INCENP: variants seen among roughly 807,000 people sequenced by gnomAD.
INCENP encodes inner centromere protein.
A neutral mutation model predicts 107.3 loss-of-function variants in INCENP; 43 were observed. The observed-to-expected ratio is 0.40, with a 90% confidence interval of 0.31 to 0.52. INCENP has a LOEUF of 0.52. INCENP is among the 20% of genes least tolerant of loss of function. The pLI, the probability that INCENP is intolerant of heterozygous loss-of-function variation, is 0.53. For missense variants in INCENP, 1,089 were observed against 1,250.9 expected, an observed-to-expected ratio of 0.87 and a Z score of 1.95; for synonymous variants, 488 against 494.4, an observed-to-expected ratio of 0.99 and a Z score of 0.17.
chr11:62,130,253 C>G lies in INCENP; in HGVS notation c.726C>G (p.Asp242Glu), dbSNP rs1943857065. ...GCTCCCTGATGGCTACACCCCAGGA[C>G]CCCAAGGGTCAAGGGGTCGGGACGG... is the stretch of plus-strand genomic sequence containing the variant. ...TVSSLMATPQ[D>E]PKGQGVGTGR... The change falls in exon 4 of 19, where the codon GAC becomes GAG. Residue 242 changes from aspartate (D) to glutamate (E), a missense_variant. By Grantham distance (45) the Asp-to-Glu change is conservative. Coordinates refer to ENST00000394818, the MANE Select transcript of INCENP (RefSeq NM_001040694.2). 6.2e-7 allele frequency: 1 copy of G among 1,613,428 alleles called. No individual in the cohort carries two copies. The highest frequency in any genetic ancestry group is 1.3e-5 in the African/African-American group (1 of 74,914).
chr11:62,148,692 G>C, intron 16 of INCENP, 47 bp from the exon 17 acceptor site: 1 of 1,467,432 alleles, frequency 6.8e-7, no homozygotes, highest in Non-Finnish European at 9.3e-7. Context: ...GGGGAGGGAA[G>C]GGCACCTGCA....
chr11:62,143,362 G>A (rs1342907868), intron 11 of INCENP, among the ~76,000 whole-genome samples: 1 of 152,040 alleles, frequency 6.6e-6, no homozygotes, highest in Non-Finnish European at 1.5e-5. Flanking sequence ...GGACTAGAGG[G>A]CTTGTCCTGG....
At chr11:62,138,328 C>T (rs770622962) in intron 5 of INCENP, among the ~76,000 whole-genome samples, 9 of 152,150 alleles carry the variant, frequency 5.9e-5, no homozygotes, top group Non-Finnish European at 8.8e-5. Flanking sequence ...GTTCTTGGGA[C>T]GGGGAAACAG....
chr11:62,129,189 G>T (rs1943823845), intron 3 of INCENP, among the ~76,000 whole-genome samples: 1 of 152,192 alleles, frequency 6.6e-6, no homozygotes, highest in African/African-American at 2.4e-5. Context: ...CCATCCTTCT[G>T]TTAGGTGAGT....
Position 62,137,869 on chromosome 11 carries a change from G to A in INCENP, c.1101G>A (p.Val367=). Residue 367 remains valine, a synonymous_variant, in exon 5 of 19, where the codon GTG becomes GTA. Transcript: ENST00000394818. ...SYLERLLNVE[V]PQKVGSEQKE... ...TGGAGAGGCTCCTGAATGTTGAGGT[G>A]CCCCAGAAAGTTGGGTGAGTTCAGT... 3 of 1,614,114 alleles carry A rather than the reference G, an allele frequency of 1.9e-6. No homozygotes were observed. Among genetic ancestry groups the A allele is most frequent in the Non-Finnish European group, 2.5e-6 (3 of 1,179,964 alleles).
chr11:62,129,672 T>G, intron 3 of INCENP, 110 bp from the exon 4 acceptor site: 1 of 877,846 alleles, frequency 1.1e-6, no homozygotes, highest in South Asian at 1.8e-5. Context: ...CCAGATCTTT[T>G]GCCTTCACCT....
intron 1 of INCENP, among the ~76,000 whole-genome samples, chr11:62,126,607 T>A (rs545939475): frequency 2.2e-4 from 34 of 152,340 alleles, no homozygotes; most frequent in Admixed American, 1.5e-3. Context: ...GTTCTTTCAC[T>A]CATTCACCTG....
Position 62,138,734 on chromosome 11 carries a change from C to T in INCENP, c.1137C>T (p.Pro379=), listed in dbSNP as rs776834134. The change falls in exon 6 of 19, where the codon CCC becomes CCT. Residue 379 remains proline, a synonymous_variant. Coordinates refer to ENST00000394818, the MANE Select transcript of INCENP (RefSeq NM_001040694.2). ...QKVGSEQKEP[P]EEAEPVAAAE... is the part of the protein sequence containing the mutation. ...TCAGTTCTGAGCAGAAGGAACCCCC[C>T]GAGGAGGCTGAGCCTGTGGCGGCAG... 8 of 1,614,014 alleles carry T rather than the reference C, an allele frequency of 5.0e-6. No homozygotes were observed. Among genetic ancestry groups the T allele is most frequent in the African/African-American group, 1.3e-5 (1 of 74,926 alleles).
At position 62,138,698 on chromosome 11, in the gene INCENP, CT is replaced by C; in HGVS notation, c.1116-14del. 6.2e-7 allele frequency: 1 copy of C among 1,613,720 alleles called. No homozygotes were observed. Among genetic ancestry groups the C allele is most frequent in the Non-Finnish European group, 8.5e-7 (1 of 1,179,674 alleles). On this transcript the variant is annotated splice_polypyrimidine_tract_variant and intron_variant, in intron 5 of 18. Coordinates refer to ENST00000394818, the MANE Select transcript of INCENP (RefSeq NM_001040694.2). The stretch of plus-strand genomic sequence containing the variant: ...TAGCTGGGCAGTCCCCTCAGAGTCC[CT>C]CTTCTGTTTTCAGTTCTGAGCAGAA...
intron 11 of INCENP, chr11:62,144,667 A>G: frequency 3.1e-6 from 2 of 639,520 alleles, no homozygotes; most frequent in Non-Finnish European, 3.0e-6. Flanking sequence ...TGCACAGTTT[A>G]TGTAGTTGTC....
chr11:62,152,052 T>A lies in INCENP; in HGVS notation c.*76T>A. 1 of 1,120,764 alleles carries A rather than the reference T, an allele frequency of 8.9e-7. No homozygotes were observed. Among genetic ancestry groups the A allele is most frequent in the Non-Finnish European group, 1.3e-6 (1 of 776,928 alleles). 69.4% of individuals were successfully genotyped at this position (1,120,764 alleles called of 1,614,324 possible). A position where few individuals can be genotyped will look rare whatever the true frequency, so the allele number is the denominator to read the frequency against. The stretch of plus-strand genomic sequence containing the variant: ...GTCTGTCTGTCGGTCTCTGTCTTGG[T>A]CTGTTGCCCTCCTTCTTGGCATGCC... On this transcript the variant is annotated 3_prime_UTR_variant, in exon 19 of 19. Coordinates refer to ENST00000394818, the MANE Select transcript of INCENP (RefSeq NM_001040694.2).
In INCENP at chr11:62,146,595, G is replaced by A. The variant is rs551075933; in HGVS notation, c.1960-63G>A. The stretch of plus-strand genomic sequence containing the variant: ...GGCACCTGGGCTTCGGGGGAGTAGG[G>A]CTGCTGTCCTGCCTCTCTGGCCTGG... On this transcript the variant is annotated intron_variant, in intron 14 of 18. Coordinates refer to ENST00000394818, the MANE Select transcript of INCENP (RefSeq NM_001040694.2). 1.3e-5 allele frequency: 20 copies of A among 1,541,698 alleles called. No homozygotes were observed. The African/African-American group carries it at 2.5e-4, about 19-fold the overall frequency.
chr11:62,150,856 T>C (rs1792894), intron 18 of INCENP, among the ~76,000 whole-genome samples: 3,309 of 151,878 alleles, frequency 0.022, 126 homozygotes, highest in African/African-American at 0.076. Flanking sequence ...TGCCTTGCAG[T>C]GGTTGCTGAG....
At chr11:62,145,853 A>C in intron 14 of INCENP, 102 bp downstream of exon 14, 3 of 1,370,468 alleles carry the variant, frequency 2.2e-6, no homozygotes, top group Non-Finnish European at 2.9e-6. Context: ...GGGTTGACCC[A>C]GACCATCTTG....
At chr11:62,128,101 A>G in intron 1 of INCENP, 50 bp from the exon 2 acceptor site, 2 of 1,601,710 alleles carry the variant, frequency 1.2e-6, no homozygotes, top group Non-Finnish European at 1.7e-6. Context: ...AAAGCCCCAG[A>G]CCCCTACCCT....
chr11:62,139,098 C>T, intron 7 of INCENP, 93 bp downstream of exon 7: 1 of 872,518 alleles, frequency 1.1e-6, no homozygotes, highest in Non-Finnish European at 1.9e-6. Flanking sequence ...TAAGGAAGCC[C>T]CATTTTCTGG....
chr11:62,138,541 T>C (rs901093029), intron 5 of INCENP, among the ~76,000 whole-genome samples, 172 bp from the exon 6 acceptor site: 3 of 152,108 alleles, frequency 2.0e-5, no homozygotes, highest in African/African-American at 7.2e-5. Context: ...ATGGAGCCAT[T>C]GCCGGGAGCT....
intron 4 of INCENP, among the ~76,000 whole-genome samples, chr11:62,136,011 G>GTTGGCCAGTC (rs1943986197): frequency 6.6e-6 from 1 of 151,740 alleles, no homozygotes; most frequent in African/African-American, 2.4e-5. Flanking sequence ...GGGTTTCACC[G>GTTGGCCAGTC]TGGTCTCGAT....
At position 62,145,644 on chromosome 11, in the gene INCENP, C is replaced by A. The variant is rs771214188; in HGVS notation, c.1852C>A (p.Leu618Met). The A allele has an allele frequency of 6.3e-7, 1 of 1,591,184 alleles. No homozygotes were observed. Among genetic ancestry groups the A allele is most frequent in the South Asian group, 1.1e-5 (1 of 87,482 alleles). Residue 618 changes from leucine to methionine, a missense_variant, in exon 14 of 19, where the codon CTG (leucine) becomes ATG (methionine). Coordinates refer to ENST00000394818, the MANE Select transcript of INCENP (RefSeq NM_001040694.2). Reference sequence around the variant, plus strand: ...GGCTCTGCAGGCCAAGGAGGAGCGGCTGGCAGAGGAGAAGGCCAAGAAAAA... The same window carrying A: ...GGCTCTGCAGGCCAAGGAGGAGCGGATGGCAGAGGAGAAGGCCAAGAAAAA... ...EKTEKAKEER[L>M]AEEKAKKKAA...
Sources: gnomAD v4.1 joint callset for allele counts (sites outside exome capture counted in the v4.1 genomes callset) on GRCh38, gnomAD v4.1.1 for gene constraint, MANE v1.5 for transcripts, NCBI Gene and HGNC (gene_info 2026-07-23, HGNC 2026-07-21) for gene names.